The following SORCS1 variants were observed in gnomAD, a reference collection of about 807,000 sequenced individuals.
SORCS1 encodes VPS10 domain-containing receptor SorCS1.
SORCS1 carries 60 observed loss-of-function variants against 146.1 expected under a neutral mutation model. The observed-to-expected ratio is 0.41, with a 90% CI of 0.33 to 0.51. SORCS1 has a LOEUF of 0.51. Ranked by LOEUF, SORCS1 falls within the 20% of genes least tolerant of loss-of-function variation. The pLI, the probability that SORCS1 is intolerant of heterozygous loss-of-function variation, is 0.21. For missense variants in SORCS1, 1,352 were observed against 1,487.6 expected, an observed-to-expected ratio of 0.91 and a Z score of 1.50; for synonymous variants, 637 against 584.0, an observed-to-expected ratio of 1.09 and a Z score of -1.31.
At chr10:106,588,963 A>T (rs1446853843) in intron 24 of SORCS1, among the ~76,000 whole-genome samples, 1 of 151,892 alleles carries the variant, frequency 6.6e-6, no homozygotes, top group Non-Finnish European at 1.5e-5. Flanking sequence ...CTATCTTTAT[A>T]AAGCTTCCTA....
chr10:107,146,492 C>T (rs932607973), intron 1 of SORCS1, among the ~76,000 whole-genome samples: 1 of 152,020 alleles, frequency 6.6e-6, no homozygotes, highest in African/African-American at 2.4e-5. Flanking sequence ...GAGTGGATGC[C>T]CCATGCTCTT....
At chr10:106,993,876 C>G (rs1294092488) in intron 1 of SORCS1, among the ~76,000 whole-genome samples, 1 of 151,874 alleles carries the variant, frequency 6.6e-6, no homozygotes, top group Non-Finnish European at 1.5e-5. Flanking sequence ...AGTTTGAGAC[C>G]GGCCTGGGCA....
chr10:107,019,707 C>T (rs1958050155), intron 1 of SORCS1, among the ~76,000 whole-genome samples: 1 of 152,228 alleles, frequency 6.6e-6, no homozygotes, highest in South Asian at 2.1e-4. Context: ...ATGCCAAAGG[C>T]ATGCTCAGAT....
At chr10:106,736,118 C>A (rs1856927694) in intron 5 of SORCS1, among the ~76,000 whole-genome samples, 1 of 152,158 alleles carries the variant, frequency 6.6e-6, no homozygotes, top group African/African-American at 2.4e-5. Context: ...ATACAATCAG[C>A]CAAATGCAGC....
At chr10:106,990,677 A>ACAG (rs1956728970) in intron 1 of SORCS1, among the ~76,000 whole-genome samples, 1 of 152,204 alleles carries the variant, frequency 6.6e-6, no homozygotes, top group Non-Finnish European at 1.5e-5. Context: ...GAATGACAGG[A>ACAG]CTTAAGGAGA....
chr10:106,824,277 G>A (rs536874349), intron 3 of SORCS1, among the ~76,000 whole-genome samples: 1 of 141,238 alleles, frequency 7.1e-6, no homozygotes, highest in Non-Finnish European at 1.5e-5. Context: ...CTAGGCAACA[G>A]AGCAAGACTC....
intron 1 of SORCS1, among the ~76,000 whole-genome samples, chr10:107,115,238 A>C (rs901480710): frequency 3.9e-5 from 6 of 151,992 alleles, no homozygotes; most frequent in African/African-American, 7.2e-5. Flanking sequence ...TTTTCATGAA[A>C]ACAGAAAAAA....
At chr10:106,995,186 C>T (rs368492001) in intron 1 of SORCS1, among the ~76,000 whole-genome samples, 16 of 151,810 alleles carry the variant, frequency 1.1e-4, no homozygotes, top group Admixed American at 3.9e-4. Context: ...TGGTGGCGGG[C>T]GCCTGTAGTC....
intron 6 of SORCS1, among the ~76,000 whole-genome samples, chr10:106,729,210 C>T (rs1357437091): frequency 1.3e-5 from 2 of 152,204 alleles, no homozygotes; most frequent in African/African-American, 4.8e-5. Flanking sequence ...TACTTATTTA[C>T]CATATTAGCT....
intron 18 of SORCS1, among the ~76,000 whole-genome samples, chr10:106,633,784 A>G (rs1033966820): frequency 6.6e-6 from 1 of 152,168 alleles, no homozygotes; most frequent in Non-Finnish European, 1.5e-5. Flanking sequence ...CTTTGATATC[A>G]ACATCTTTTT....
intron 5 of SORCS1, among the ~76,000 whole-genome samples, chr10:106,742,814 A>G (rs1444262316): frequency 6.6e-6 from 1 of 152,154 alleles, no homozygotes; most frequent in East Asian, 1.9e-4. Flanking sequence ...AAAGTTTCAG[A>G]TTTTGGAGCA....
At chr10:106,586,070 T>C (rs1167284723) in intron 24 of SORCS1, among the ~76,000 whole-genome samples, 1 of 152,234 alleles carries the variant, frequency 6.6e-6, no homozygotes, top group Non-Finnish European at 1.5e-5. Context: ...TACATAGCAA[T>C]AGCTTATTTA....
At chr10:106,977,589 A>ATTTTT (rs35526585) in intron 1 of SORCS1, among the ~76,000 whole-genome samples, 168 of 133,448 alleles carry the variant, frequency 1.3e-3, no homozygotes, top group Middle Eastern at 3.9e-3. Flanking sequence ...CATTCATTGG[A>ATTTTT]TTTTTTTTTT....
At chr10:106,614,722 C>T (rs1847239758) in intron 21 of SORCS1, among the ~76,000 whole-genome samples, 1 of 152,142 alleles carries the variant, frequency 6.6e-6, no homozygotes, top group African/African-American at 2.4e-5. Flanking sequence ...CAGCTCCCTC[C>T]GTAATTACTT....
At chr10:106,758,879 G>T (rs946802535) in intron 5 of SORCS1, among the ~76,000 whole-genome samples, 2 of 152,140 alleles carry the variant, frequency 1.3e-5, no homozygotes, top group Non-Finnish European at 2.9e-5. Flanking sequence ...AGGGAGAGAG[G>T]TAAATAAGCT....
intron 3 of SORCS1, among the ~76,000 whole-genome samples, chr10:106,826,281 G>A (rs1235056970): frequency 6.6e-6 from 1 of 152,234 alleles, no homozygotes; most frequent in South Asian, 2.1e-4. Flanking sequence ...TCCCACTAGC[G>A]TGAAAAGCAG....
intron 21 of SORCS1, among the ~76,000 whole-genome samples, chr10:106,615,002 C>T (rs1847260708): frequency 6.6e-6 from 1 of 151,316 alleles, no homozygotes; most frequent in Admixed American, 6.6e-5. Context: ...CAAACCTTCC[C>T]CTGTCAATTT....
Position 106,688,257 on chromosome 10 carries a change from TG to T in SORCS1, c.1494del (p.Arg499GlufsTer13). 6.2e-7 allele frequency: 1 copy of T among 1,614,122 alleles called. No individual in the cohort carries two copies. The highest frequency in any genetic ancestry group is 8.5e-7 in the Non-Finnish European group (1 of 1,179,962). ...GGCGCCTGCAGCAAACGCCAGTCTC[TG>T]CCTTTGTTATATGTGATGAAAGTCT... ...QVKTFITYNK[G>X]RDWRLLQAPD... is the part of the protein sequence containing the mutation. On this transcript the variant is annotated frameshift_variant, in exon 10 of 26. Coordinates refer to ENST00000263054, the MANE Select transcript of SORCS1 (RefSeq NM_052918.5). LOFTEE classifies it high-confidence loss of function.
At chr10:107,000,622 A>T (rs78737754) in intron 1 of SORCS1, among the ~76,000 whole-genome samples, 7 of 150,896 alleles carry the variant, frequency 4.6e-5, no homozygotes, top group African/African-American at 1.5e-4. Flanking sequence ...AAAAAAAAAA[A>T]GTCAATTTTA....
Sources: gnomAD v4.1 joint callset for allele counts (sites outside exome capture counted in the v4.1 genomes callset) on GRCh38, gnomAD v4.1.1 for gene constraint, MANE v1.5 for transcripts, NCBI Gene and HGNC (gene_info 2026-07-23, HGNC 2026-07-21) for gene names.